Variants in ATRX observed in about 807,000 individuals in gnomAD.
ATRX encodes chromatin remodeler ATRX.
A neutral mutation model predicts 172.6 loss-of-function variants in ATRX; 12 were observed. That is an observed-to-expected ratio of 0.07 (90% CI 0.04 to 0.11). The LOEUF (loss-of-function observed/expected upper bound fraction) is 0.11. Among genes scored for constraint, ATRX ranks in the 10% least tolerant of loss-of-function variants. ATRX has a pLI of 1.00. For synonymous variants in ATRX, 674 were observed against 594.7 expected (o/e 1.13, Z -1.94); for missense variants, 1,368 against 1,767.4 (o/e 0.77, Z 4.05).
At chrX:77,580,935 A>G (rs2065805091) in intron 27 of ATRX, among the ~76,000 whole-genome samples, 1 of 112,283 alleles carries the variant, frequency 8.9e-6, no homozygotes, top group Admixed American at 9.4e-5. Flanking sequence ...TAGAATTTTT[A>G]TTAGTTTTCT....
intron 7 of ATRX, among the ~76,000 whole-genome samples, chrX:77,688,041 G>A (rs971543370): frequency 4.5e-5 from 5 of 111,079 alleles, no homozygotes; most frequent in Non-Finnish European, 9.4e-5. Flanking sequence ...GGGTTCAAGC[G>A]ATTCTCCTGC....
chrX:77,642,300 GA>G (rs782118183), intron 15 of ATRX, among the ~76,000 whole-genome samples: 1 of 111,784 alleles, frequency 8.9e-6, no homozygotes, highest in Non-Finnish European at 1.9e-5. Context: ...TTCAATTTCC[GA>G]AAGCCAGACA....
chrX:77,637,924 A>G (rs1405926961), intron 15 of ATRX, among the ~76,000 whole-genome samples: 1 of 88,652 alleles, frequency 1.1e-5, no homozygotes. Context: ...TGGGTGAAAG[A>G]GCAAAGCTCC....
chrX:77,675,278 G>C (rs191467502), intron 10 of ATRX: 56 of 111,733 alleles, frequency 5.0e-4, no homozygotes, highest in African/African-American at 1.8e-3. Context: ...TTTGGTACTA[G>C]AATTACAGAA....
chrX:77,611,099 T>C (rs921582277), intron 22 of ATRX, among the ~76,000 whole-genome samples: 1 of 110,913 alleles, frequency 9.0e-6, no homozygotes, highest in Non-Finnish European at 1.9e-5. Flanking sequence ...TTCCAACTTC[T>C]AGTTTATAAG....
intron 19 of ATRX, among the ~76,000 whole-genome samples, chrX:77,622,767 T>C (rs1482437249): frequency 9.0e-6 from 1 of 110,581 alleles, no homozygotes; most frequent in Non-Finnish European, 1.9e-5. Flanking sequence ...TCGGGGCTGT[T>C]TCGGCGCTGG....
chrX:77,769,170 A>G (rs2076071381), intron 1 of ATRX, among the ~76,000 whole-genome samples: 1 of 112,209 alleles, frequency 8.9e-6, no homozygotes, highest in South Asian at 3.7e-4. Context: ...AGCCTGGACA[A>G]CATAGTGAGA....
chrX:77,592,812 C>CA (rs1169681345), intron 26 of ATRX, among the ~76,000 whole-genome samples: 79 of 78,625 alleles, frequency 1.0e-3, no homozygotes, highest in South Asian at 3.9e-3. Flanking sequence ...AACTCCGTCT[C>CA]AAAAAAAAAA....
intron 30 of ATRX, among the ~76,000 whole-genome samples, chrX:77,524,225 T>C (rs782116270): frequency 8.9e-6 from 1 of 111,976 alleles, no homozygotes; most frequent in Admixed American, 9.5e-5. Flanking sequence ...TATTCACAAG[T>C]TGTTCATTAA....
At chrX:77,647,454 T>C (rs569759660) in intron 15 of ATRX, among the ~76,000 whole-genome samples, 7 of 111,737 alleles carry the variant, frequency 6.3e-5, no homozygotes, top group Admixed American at 1.9e-4. Context: ...GATGCATAGA[T>C]AAGACAGATA....
chrX:77,557,209 ATATAT>A (rs1255424947), intron 30 of ATRX, among the ~76,000 whole-genome samples: 4 of 111,994 alleles, frequency 3.6e-5, no homozygotes, highest in Admixed American at 1.9e-4. Flanking sequence ...TGCTAATTAG[ATATAT>A]TATATGTGGC....
chrX:77,567,365 C>T (rs1281495325), intron 28 of ATRX, among the ~76,000 whole-genome samples: 1 of 111,272 alleles, frequency 9.0e-6, no homozygotes, highest in Non-Finnish European at 1.9e-5. Context: ...ACAAGAAACT[C>T]ACTTCAAATA....
intron 1 of ATRX, among the ~76,000 whole-genome samples, chrX:77,777,863 G>A (rs782810935): frequency 9.0e-5 from 10 of 110,559 alleles, no homozygotes; most frequent in South Asian, 7.6e-4. Flanking sequence ...CTGGCCAGGC[G>A]CGGTGGCTCA....
intron 1 of ATRX, among the ~76,000 whole-genome samples, chrX:77,753,016 T>A (rs868993112): frequency 7.3e-4 from 82 of 111,847 alleles, no homozygotes; most frequent in African/African-American, 2.6e-3. Context: ...CTTTTTCTAT[T>A]GCTTGGAATA....
intron 28 of ATRX, among the ~76,000 whole-genome samples, chrX:77,573,736 G>C (rs1557068887): frequency 9.0e-6 from 1 of 111,669 alleles, no homozygotes; most frequent in East Asian, 2.8e-4. Context: ...AAATTGTACA[G>C]TCACTTTGGA....
At chrX:77,740,809 G>C (rs1433695182) in intron 1 of ATRX, among the ~76,000 whole-genome samples, 2 of 110,502 alleles carry the variant, frequency 1.8e-5, no homozygotes, top group Non-Finnish European at 3.8e-5. Context: ...AAATGGGGAG[G>C]AAAAAAATTA....
intron 1 of ATRX, among the ~76,000 whole-genome samples, chrX:77,773,017 T>A (rs2148950806): frequency 1.0e-5 from 1 of 100,377 alleles, no homozygotes; most frequent in Admixed American, 1.1e-4. Context: ...CTGGCTAATT[T>A]TTTTTTTTTT....
In ATRX at chrX:77,681,607, C is replaced by G. The variant is rs781917332; in HGVS notation, c.3649G>C (p.Gly1217Arg). The G allele has an allele frequency of 2.5e-6, 3 of 1,204,657 alleles. No homozygotes were observed. The South Asian group carries it at 5.4e-5, about 22-fold the overall frequency. The part of the protein sequence containing the change: ...DIEDDDQNSI[G>R]EGSSDEQKIK... ...TTCTGTTCATCGCTGCTTCCCTCAC[C>G]TATAGAATTCTGATCATCATCTTCT... Residue 1217 changes from glycine (G) to arginine (R), a missense_variant, in exon 9 of 35, where the codon GGT becomes CGT. Physicochemically the swap from Gly to Arg is moderately radical, Grantham distance 125 (BLOSUM62 -2). Coordinates refer to ENST00000373344, the MANE Select transcript of ATRX (RefSeq NM_000489.6).
intron 14 of ATRX, among the ~76,000 whole-genome samples, chrX:77,653,017 A>AAG (rs1395898322): frequency 9.2e-6 from 1 of 108,513 alleles, no homozygotes; most frequent in African/African-American, 3.3e-5. Context: ...AAAAAAAAAA[A>AAG]AAAAGAAAAA....
Sources: gnomAD v4.1 joint callset for allele counts (sites outside exome capture counted in the v4.1 genomes callset) on GRCh38, gnomAD v4.1.1 for gene constraint, MANE v1.5 for transcripts, NCBI Gene and HGNC (gene_info 2026-07-23, HGNC 2026-07-21) for gene names.